The following PRKAR1B variants were observed in gnomAD, a reference collection of about 807,000 sequenced individuals.
The protein encoded by PRKAR1B is cAMP-dependent protein kinase type I-beta regulatory subunit.
In PRKAR1B, 22 loss-of-function variants were observed where a neutral mutation model predicts 46.5. The ratio of observed to expected loss-of-function variants is 0.47; its 90% CI spans 0.34 to 0.68. PRKAR1B has a LOEUF of 0.68. Ranked by LOEUF, PRKAR1B falls within the 30% of genes least tolerant of loss-of-function variation. The pLI is 0.01. For synonymous variants in PRKAR1B, 259 were observed against 217.7 expected, an observed-to-expected ratio of 1.19 and a Z score of -1.67; for missense variants, 445 against 535.6, an observed-to-expected ratio of 0.83 and a Z score of 1.67.
At chr7:691,483 C>A in intron 2 of PRKAR1B, 1 of 1,304,012 alleles carries the variant, frequency 7.7e-7, no homozygotes, top group Non-Finnish European at 1.0e-6. Flanking sequence ...AGGCAGGGCC[C>A]CCCAGCGCAC....
chr7:553,248 A>G (rs1285899719), intron 9 of PRKAR1B, among the ~76,000 whole-genome samples: 1 of 152,206 alleles, frequency 6.6e-6, no homozygotes, highest in African/African-American at 2.4e-5. Flanking sequence ...CAGCCGGGGA[A>G]ACGGTCTGTC....
At chr7:720,286 G>A (rs573479583) in intron 1 of PRKAR1B, among the ~76,000 whole-genome samples, 1 of 152,252 alleles carries the variant, frequency 6.6e-6, no homozygotes, top group Admixed American at 6.5e-5. Flanking sequence ...TTGAACTCCT[G>A]ACCTCAGGTG....
At chr7:699,013 G>A (rs1779920323) in intron 2 of PRKAR1B, among the ~76,000 whole-genome samples, 1 of 152,216 alleles carries the variant, frequency 6.6e-6, no homozygotes, top group South Asian at 2.1e-4. Context: ...CAAAGGCGGA[G>A]AAGCCTGAGT....
intron 1 of PRKAR1B, among the ~76,000 whole-genome samples, chr7:720,364 G>A (rs1361897471): frequency 6.6e-6 from 1 of 152,142 alleles, no homozygotes. Context: ...AGCCCTCTGT[G>A]CAAGTCTTCT....
intron 9 of PRKAR1B, among the ~76,000 whole-genome samples, chr7:567,614 TAGCAGC>T (rs1162182833): frequency 1.3e-5 from 2 of 152,080 alleles, no homozygotes; most frequent in Admixed American, 6.6e-5. Flanking sequence ...GCAGCAGCAG[TAGCAGC>T]AAAATAAAAA....
chr7:673,980 C>G (rs1191285032), intron 4 of PRKAR1B, among the ~76,000 whole-genome samples: 2 of 152,342 alleles, frequency 1.3e-5, no homozygotes, highest in Admixed American at 1.3e-4. Context: ...GCCTCTTCCC[C>G]TTCTGTGTGT....
intron 2 of PRKAR1B, among the ~76,000 whole-genome samples, chr7:708,414 G>A (rs572350371): frequency 6.6e-6 from 1 of 152,338 alleles, no homozygotes; most frequent in South Asian, 2.1e-4. Flanking sequence ...AGAACCCATG[G>A]ATGCTGAAGT....
At position 697,539 on chromosome 7, in the gene PRKAR1B, G is replaced by A. The variant is rs144495513; in HGVS notation, c.177+13790C>T. ...GTGGTGTTTCTGGACCACCTCCTCC[G>A]AGCAGTTCCATGAGCGGCCCTAAGA... is the stretch of plus-strand genomic sequence containing the variant. On this transcript the variant is annotated intron_variant, in intron 2 of 10. Coordinates refer to ENST00000537384, the MANE Select transcript of PRKAR1B (RefSeq NM_001164760.2). Among the ~76,000 whole-genome samples the A allele has an allele frequency of 2.9e-4, 44 of 152,194 alleles. No homozygotes were observed. In the East Asian group the frequency reaches 7.8e-3, roughly 27 times the overall value.
chr7:627,258 G>A (rs561061343), intron 4 of PRKAR1B, among the ~76,000 whole-genome samples: 4 of 152,302 alleles, frequency 2.6e-5, no homozygotes, highest in Non-Finnish European at 5.9e-5. Context: ...TCAAAGTGCT[G>A]GGATTCCAGG....
intron 9 of PRKAR1B, among the ~76,000 whole-genome samples, chr7:553,028 G>A (rs10261384): frequency 0.22 from 34,102 of 152,246 alleles, 3,904 homozygotes; most frequent in Non-Finnish European, 0.24. Context: ...CGGACGGCGG[G>A]GCTGGGGTAG....
At chr7:596,619 A>T (rs1781280054) in intron 6 of PRKAR1B, among the ~76,000 whole-genome samples, 1 of 152,216 alleles carries the variant, frequency 6.6e-6, no homozygotes, top group South Asian at 2.1e-4. Flanking sequence ...TCTGCGGCAC[A>T]GCGGCCCCAG....
intron 9 of PRKAR1B, chr7:578,650 GTGTGCAGGTTT>G (rs949706921): frequency 6.0e-5 from 10 of 165,602 alleles, no homozygotes; most frequent in African/African-American, 2.4e-4. Context: ...CGCACGCCCT[GTGTGCAGGTTT>G]TGTGCAGGTT....
At chr7:715,764 G>T (rs189045559) in intron 1 of PRKAR1B, among the ~76,000 whole-genome samples, 2,530 of 151,756 alleles carry the variant, frequency 0.017, 39 homozygotes, top group East Asian at 0.1. Flanking sequence ...CACCCAGGCT[G>T]CAGTGCAGTG....
chr7:652,199 G>A (rs1165938902), intron 4 of PRKAR1B, among the ~76,000 whole-genome samples: 2 of 136,780 alleles, frequency 1.5e-5, no homozygotes, highest in Non-Finnish European at 3.1e-5. Context: ...CACCCGCACA[G>A]CGCTAGGAAC....
intron 9 of PRKAR1B, among the ~76,000 whole-genome samples, chr7:563,257 G>T (rs1378647406): frequency 6.6e-6 from 1 of 152,220 alleles, no homozygotes; most frequent in Non-Finnish European, 1.5e-5. Context: ...CACCTGCCAG[G>T]TCAGGCTGCA....
intron 6 of PRKAR1B, among the ~76,000 whole-genome samples, chr7:601,311 C>T (rs1317043857): frequency 6.6e-6 from 1 of 152,206 alleles, no homozygotes; most frequent in Non-Finnish European, 1.5e-5. Flanking sequence ...CCCAGGGAGG[C>T]GATTTACAGA....
At chr7:633,714 G>A (rs1047629019) in intron 4 of PRKAR1B, among the ~76,000 whole-genome samples, 3 of 152,208 alleles carry the variant, frequency 2.0e-5, no homozygotes, top group Non-Finnish European at 2.9e-5. Context: ...GGTTGGGCCC[G>A]CCTGGCCTCC....
intron 4 of PRKAR1B, among the ~76,000 whole-genome samples, chr7:631,600 C>A (rs1783744708): frequency 6.6e-6 from 1 of 152,198 alleles, no homozygotes; most frequent in African/African-American, 2.4e-5. Context: ...GGTGTGCAGG[C>A]CCACCACGCA....
chr7:584,376 G>C, intron 8 of PRKAR1B, 132 bp downstream of exon 8: 1 of 727,600 alleles, frequency 1.4e-6, no homozygotes, highest in Non-Finnish European at 2.4e-6. Context: ...ATGCCTGTGT[G>C]TTGCACCCCA....
Sources: gnomAD v4.1 joint callset for allele counts (sites outside exome capture counted in the v4.1 genomes callset) on GRCh38, gnomAD v4.1.1 for gene constraint, MANE v1.5 for transcripts, NCBI Gene and HGNC (gene_info 2026-07-23, HGNC 2026-07-21) for gene names.